The following SEM1 variants were observed in gnomAD, a reference collection of about 807,000 sequenced individuals.
SEM1 encodes SEM1 26S proteasome subunit.
Under a neutral mutation model 12.7 loss-of-function variants are expected in SEM1, and 3 were observed. That is an observed-to-expected ratio of 0.24 (90% CI 0.11 to 0.61). The LOEUF is 0.61. Ranked by LOEUF, SEM1 falls within the 20% of genes least tolerant of loss-of-function variation. The pLI, the probability that SEM1 is intolerant of heterozygous loss-of-function variation, is 0.88. For missense variants in SEM1, 59 were observed against 81.3 expected (o/e 0.73, Z 1.06); for synonymous variants, 30 against 27.8 (o/e 1.08, Z -0.25).
At chr7:96,622,568 GCA>G (rs756958432) in exon 3 of SEM1, 5 of 762,750 alleles carry the variant, frequency 6.6e-6, no homozygotes, top group Non-Finnish European at 2.4e-6. Flanking sequence ...CTTATTAGCT[GCA>G]TGATCAATGT....
At chr7:96,686,299 C>T, downstream of SEM1, among the ~76,000 whole-genome samples, 1 of 152,036 alleles carries the variant, frequency 6.6e-6, no homozygotes, top group Non-Finnish European at 1.5e-5. Context: ...TTTCGGGTAC[C>T]CAATCCTTAA....
intron 2 of SEM1, among the ~76,000 whole-genome samples, chr7:96,555,642 G>A (rs199820767): frequency 0.58 from 76,067 of 132,042 alleles, 22,241 homozygotes; most frequent in Non-Finnish European, 0.67. Flanking sequence ...GGTGTGGTGC[G>A]GTGCTGAAAA....
rs537007956 is a variant in SEM1, at chr7:96,530,483, A to G, written c.171-23785T>C. 2.5e-4 allele frequency among the ~76,000 whole-genome samples: 38 copies of G among 152,222 alleles called. 2 individuals are homozygous for G. The South Asian group carries it at 7.9e-3, about 32-fold the overall frequency. ...GGTTGTAAGAAGTCTGCCAGAGAAC[A>G]TGAGAAGCACATTCCTAGTTTGGGA... On this transcript the variant is annotated intron_variant and NMD_transcript_variant, in intron 2 of 3. Coordinates refer to the SEM1 transcript ENST00000466986.
intron 1 of SEM1, among the ~76,000 whole-genome samples, chr7:96,705,676 C>T (rs1300374859): frequency 2.6e-5 from 4 of 151,846 alleles, no homozygotes; most frequent in African/African-American, 4.8e-5. Context: ...AAAAATTAGC[C>T]GGGCGTGGTG....
At chr7:96,706,374 C>G (rs375423393) in intron 1 of SEM1, 1 of 151,868 alleles carries the variant, frequency 6.6e-6, no homozygotes, top group Non-Finnish European at 1.5e-5. Context: ...ACCAGCTTGA[C>G]CAACATGGAG....
intron 2 of SEM1, among the ~76,000 whole-genome samples, chr7:96,589,109 G>T (rs1007826599): frequency 6.6e-6 from 1 of 152,194 alleles, no homozygotes; most frequent in Non-Finnish European, 1.5e-5. Context: ...TGTGGGAACC[G>T]CACTGCTTAG....
chr7:96,650,162 C>G (rs1253166492), intron 2 of SEM1: 1 of 259,324 alleles, frequency 3.9e-6, no homozygotes, highest in Non-Finnish European at 7.2e-6. Flanking sequence ...CCTTAAGAAG[C>G]TATAAATAGC....
chr7:96,657,154 CT>C (rs1809208288), intron 2 of SEM1, among the ~76,000 whole-genome samples: 1 of 152,046 alleles, frequency 6.6e-6, no homozygotes, highest in South Asian at 2.1e-4. Flanking sequence ...AAGGAATCTC[CT>C]ACCTCATCAA....
chr7:96,680,440 G>A (rs2115692334), intron 2 of SEM1, among the ~76,000 whole-genome samples: 1 of 152,168 alleles, frequency 6.6e-6, no homozygotes, highest in East Asian at 1.9e-4. Context: ...GTAACTAAGA[G>A]GAGAAATACA....
chr7:96,492,695 T>C (rs1803065278), intron 1 of SEM1, among the ~76,000 whole-genome samples: 1 of 145,364 alleles, frequency 6.9e-6, no homozygotes, highest in Non-Finnish European at 1.5e-5. Flanking sequence ...CCTCCCAAAG[T>C]ACTAGGATTA....
At chr7:96,496,441 C>A (rs961895731), upstream of SEM1, 2 of 578,056 alleles carry the variant, frequency 3.5e-6, no homozygotes, top group South Asian at 2.4e-5. Context: ...ACTGCCCCCC[C>A]CAACAAATGG....
chr7:96,594,745 C>T (rs910045328), intron 2 of SEM1, among the ~76,000 whole-genome samples: 5 of 151,918 alleles, frequency 3.3e-5, no homozygotes, highest in African/African-American at 4.8e-5. Context: ...TGAATGTTTT[C>T]GAAGAGTACC....
chr7:96,557,368 T>C (rs1242859517), intron 2 of SEM1, among the ~76,000 whole-genome samples: 5 of 138,300 alleles, frequency 3.6e-5, no homozygotes, highest in African/African-American at 7.7e-5. Flanking sequence ...GATGGGTTTT[T>C]GGTGTGGATG....
intron 3 of SEM1, among the ~76,000 whole-genome samples, chr7:96,502,424 G>A (rs749979000): frequency 3.5e-4 from 54 of 152,146 alleles, no homozygotes; most frequent in Admixed American, 9.8e-4. Context: ...CGATCCTGGT[G>A]TGAGTCAGAC....
intron 2 of SEM1, among the ~76,000 whole-genome samples, chr7:96,581,018 G>A (rs1168045457): frequency 6.6e-6 from 1 of 152,140 alleles, no homozygotes; most frequent in South Asian, 2.1e-4. Context: ...CATTGCTTTT[G>A]GTGTTGTAGA....
chr7:96,498,382 TAA>T (rs2117252749), upstream of SEM1, among the ~76,000 whole-genome samples: 1 of 151,932 alleles, frequency 6.6e-6, no homozygotes, highest in East Asian at 1.9e-4. Flanking sequence ...TGTGTCTGTG[TAA>T]GTGTGCACAC....
At chr7:96,661,621 C>G (rs886217111) in intron 2 of SEM1, among the ~76,000 whole-genome samples, 3 of 152,104 alleles carry the variant, frequency 2.0e-5, no homozygotes, top group Admixed American at 2.0e-4. Context: ...ACCCACAAAA[C>G]AATTGACTTT....
downstream of SEM1, among the ~76,000 whole-genome samples, chr7:96,669,003 A>C (rs1789240720): frequency 6.6e-6 from 1 of 152,174 alleles, no homozygotes; most frequent in Non-Finnish European, 1.5e-5. Context: ...AATTAGGAAG[A>C]GACAAGGAAG....
chr7:96,545,580 G>A (rs1367808220), intron 2 of SEM1, among the ~76,000 whole-genome samples: 1 of 152,036 alleles, frequency 6.6e-6, no homozygotes, highest in Non-Finnish European at 1.5e-5. Flanking sequence ...GTTTCTGAAA[G>A]ATTTTCAATG....
Sources: gnomAD v4.1 joint callset for allele counts (sites outside exome capture counted in the v4.1 genomes callset) on GRCh38, gnomAD v4.1.1 for gene constraint, MANE v1.5 for transcripts, NCBI Gene and HGNC (gene_info 2026-07-23, HGNC 2026-07-21) for gene names.